The following LARP1B variants were observed in gnomAD, a reference collection of about 807,000 sequenced individuals.
The protein encoded by LARP1B is La ribonucleoprotein 1B.
A neutral mutation model predicts 114.2 loss-of-function variants in LARP1B; 76 were observed. That is an observed-to-expected ratio of 0.67 (90% CI 0.55 to 0.81). The LOEUF is 0.81. LARP1B is among the 30% of genes least tolerant of loss of function. The pLI is 0.00. For synonymous variants in LARP1B, 345 were observed against 348.0 expected (o/e 0.99, Z 0.10); for missense variants, 1,014 against 1,075.8 (o/e 0.94, Z 0.80).
chr4:128,062,254 T>G (rs1579561764), intron 1 of LARP1B: 1 of 985,328 alleles, frequency 1.0e-6, no homozygotes, highest in Non-Finnish European at 1.2e-6. Flanking sequence ...ACTGGCAGGG[T>G]GCGGGCAGGG....
chr4:128,177,184 T>C (rs1746608712), intron 13 of LARP1B, among the ~76,000 whole-genome samples: 1 of 152,082 alleles, frequency 6.6e-6, no homozygotes, highest in Non-Finnish European at 1.5e-5. Context: ...TAAGCAGAAA[T>C]ATGAAATGAT....
At position 128,103,391 on chromosome 4, in the gene LARP1B, A is replaced by G. The variant is rs375918347; in HGVS notation, c.814-3748A>G. ...GTGATTGTCCAAGGAAAAAAAAGGT[A>G]TATGGTAAAAATTTTTTTTTCCCCA... On this transcript the variant is annotated intron_variant, in intron 8 of 19. Transcript: ENST00000326639. 3.9e-5 allele frequency among the ~76,000 whole-genome samples: 6 copies of G among 152,300 alleles called. No individual in the cohort carries two copies. In the East Asian group the frequency reaches 7.7e-4, roughly 20 times the overall value.
downstream of LARP1B, among the ~76,000 whole-genome samples, chr4:128,214,497 T>TGACCCCC (rs1198956273): frequency 6.6e-6 from 1 of 152,064 alleles, no homozygotes; most frequent in Non-Finnish European, 1.5e-5. Context: ...CCCTGACCCC[T>TGACCCCC]GACCCCCGAG....
intron 1 of LARP1B, chr4:128,062,335 C>G (rs921104350): frequency 3.3e-6 from 3 of 915,420 alleles, no homozygotes; most frequent in Non-Finnish European, 3.9e-6. Flanking sequence ...CAGGCCTCCC[C>G]TCCCTGTCAG....
At chr4:128,138,837 G>T (rs1158262728) in intron 11 of LARP1B, among the ~76,000 whole-genome samples, 1 of 152,048 alleles carries the variant, frequency 6.6e-6, no homozygotes, top group Non-Finnish European at 1.5e-5. Flanking sequence ...GGCACCTGTA[G>T]TCCGAGCTAC....
intron 5 of LARP1B, 52 bp downstream of exon 5, chr4:128,082,357 G>T: frequency 6.5e-7 from 1 of 1,535,712 alleles, no homozygotes; most frequent in Non-Finnish European, 9.0e-7. Flanking sequence ...TAGTCTTAAT[G>T]CTCGTTATTT....
intron 15 of LARP1B, among the ~76,000 whole-genome samples, chr4:128,184,710 C>A (rs1749715171): frequency 6.6e-6 from 1 of 152,034 alleles, no homozygotes; most frequent in Non-Finnish European, 1.5e-5. Flanking sequence ...TATTTTTGTA[C>A]CTGTTAAATA....
chr4:128,155,526 C>T, intron 11 of LARP1B: 1 of 790,832 alleles, frequency 1.3e-6, no homozygotes, highest in Non-Finnish European at 2.3e-6. Flanking sequence ...ACATGAGTGG[C>T]AGTGAGGAGC....
At chr4:128,155,573 G>C (rs1048216346) in intron 11 of LARP1B, 1 of 834,488 alleles carries the variant, frequency 1.2e-6, no homozygotes, top group Non-Finnish European at 2.1e-6. Context: ...CTGGGGCCCA[G>C]CAGTTGCCCC....
At chr4:128,110,413 A>AT (rs200609479) in intron 9 of LARP1B, among the ~76,000 whole-genome samples, 20 of 149,950 alleles carry the variant, frequency 1.3e-4, no homozygotes, top group Non-Finnish European at 2.5e-4. Flanking sequence ...TCTTTTCATT[A>AT]TTAAAAAAAA....
chr4:128,118,881 CTTT>C (rs34136459), intron 10 of LARP1B, among the ~76,000 whole-genome samples: 96 of 139,422 alleles, frequency 6.9e-4, no homozygotes, highest in Admixed American at 1.5e-3. Context: ...ATTCCACAGT[CTTT>C]TTTTTTTTTT....
intron 17 of LARP1B, among the ~76,000 whole-genome samples, chr4:128,200,935 C>A (rs925731168): frequency 3.9e-5 from 6 of 152,184 alleles, no homozygotes; most frequent in Non-Finnish European, 7.4e-5. Flanking sequence ...AGTTGAGACT[C>A]CAGAAACTGC....
chr4:128,064,476 A>G (rs1018444107), intron 1 of LARP1B, among the ~76,000 whole-genome samples: 6 of 152,214 alleles, frequency 3.9e-5, no homozygotes, highest in African/African-American at 1.2e-4. Context: ...ATATTGGCAT[A>G]ATTCCTTCCT....
At chr4:128,079,135 C>G (rs1302996752) in intron 4 of LARP1B, among the ~76,000 whole-genome samples, 1 of 150,186 alleles carries the variant, frequency 6.7e-6, no homozygotes, top group African/African-American at 2.5e-5. Context: ...TGCTCTGTCA[C>G]CCAGGCTGGA....
At chr4:128,190,545 G>T (rs1476582495) in intron 15 of LARP1B, among the ~76,000 whole-genome samples, 1 of 152,126 alleles carries the variant, frequency 6.6e-6, no homozygotes, top group Non-Finnish European at 1.5e-5. Flanking sequence ...GATCATGGGG[G>T]CACTTATCCC....
At chr4:128,121,173 G>A (rs1787842411) in intron 10 of LARP1B, among the ~76,000 whole-genome samples, 1 of 152,196 alleles carries the variant, frequency 6.6e-6, no homozygotes, top group South Asian at 2.1e-4. Context: ...ACTGGGCCAT[G>A]TAGAATGGGG....
Position 128,103,719 on chromosome 4 carries a change from C to T in LARP1B, c.814-3420C>T, listed in dbSNP as rs185526108. 7.9e-5 allele frequency among the ~76,000 whole-genome samples: 12 copies of T among 152,078 alleles called. No homozygotes were observed. The East Asian group carries it at 1.5e-3, about 20-fold the overall frequency. ...CTGGGATTACAAGCGCCTGCCACCA[C>T]GCCTGGCTAATTTTTGTATTTTAGT... On this transcript the variant is annotated intron_variant, in intron 8 of 19. Transcript: ENST00000326639.
At chr4:128,067,771 A>G (rs1382268725) in intron 1 of LARP1B, among the ~76,000 whole-genome samples, 1 of 151,344 alleles carries the variant, frequency 6.6e-6, no homozygotes, top group Non-Finnish European at 1.5e-5. Flanking sequence ...CTGGAGTGCA[A>G]TGGAGCAATC....
intron 11 of LARP1B, among the ~76,000 whole-genome samples, chr4:128,124,515 A>G (rs1040055026): frequency 5.3e-5 from 8 of 152,262 alleles, no homozygotes; most frequent in Non-Finnish European, 8.8e-5. Flanking sequence ...ATGAATAGGC[A>G]GGAGTCATCA....
Sources: allele counts gnomAD v4.1 joint callset (sites outside exome capture counted in the v4.1 genomes callset), GRCh38; gene constraint gnomAD v4.1.1; transcripts MANE v1.5; gene names NCBI Gene and HGNC (gene_info 2026-07-23, HGNC 2026-07-21).